Variants in NRXN3 observed in about 807,000 individuals in gnomAD.
NRXN3 encodes the protein neurexin III.
Under a neutral mutation model 137.6 loss-of-function variants are expected in NRXN3, and 32 were observed. The observed-to-expected ratio is 0.23, with a 90% confidence interval of 0.18 to 0.31. NRXN3 has a LOEUF of 0.31. Among genes scored for constraint, NRXN3 ranks in the 10% least tolerant of loss-of-function variants. NRXN3 has a pLI of 1.00. For missense variants in NRXN3, 1,574 were observed against 2,062.5 expected, an observed-to-expected ratio of 0.76 and a Z score of 4.59; for synonymous variants, 798 against 784.5, an observed-to-expected ratio of 1.02 and a Z score of -0.29.
chr14:79,831,026 A>G (rs1389842852), intron 20 of NRXN3, among the ~76,000 whole-genome samples: 2 of 152,086 alleles, frequency 1.3e-5, no homozygotes, highest in South Asian at 2.1e-4. Flanking sequence ...CATTTCAGGA[A>G]CGTGTTGACA....
At chr14:79,656,794 G>T (rs1292177181) in intron 16 of NRXN3, among the ~76,000 whole-genome samples, 1 of 152,132 alleles carries the variant, frequency 6.6e-6, no homozygotes, top group East Asian at 1.9e-4. Context: ...GCAGCCAGGG[G>T]AGAGGTGGAT....
intron 8 of NRXN3, 93 bp downstream of exon 8, chr14:78,715,232 T>G: frequency 6.9e-7 from 1 of 1,452,100 alleles, no homozygotes; most frequent in Non-Finnish European, 9.2e-7. Flanking sequence ...CGCACCTACC[T>G]GCACTTTCTT....
chr14:78,479,955 G>GC (rs2095444573), intron 4 of NRXN3, among the ~76,000 whole-genome samples: 1 of 152,062 alleles, frequency 6.6e-6, no homozygotes, highest in African/African-American at 2.4e-5. Flanking sequence ...GACCAGCCTG[G>GC]CCAACATGGT....
At chr14:78,612,661 T>A (rs1278690786) in intron 4 of NRXN3, among the ~76,000 whole-genome samples, 1 of 152,212 alleles carries the variant, frequency 6.6e-6, no homozygotes, top group Non-Finnish European at 1.5e-5. Context: ...TTACTTACAC[T>A]CTTCAGGGCT....
intron 15 of NRXN3, among the ~76,000 whole-genome samples, chr14:79,381,778 C>T (rs938542977): frequency 2.0e-5 from 3 of 152,076 alleles, no homozygotes; most frequent in African/African-American, 4.8e-5. Context: ...TAATGAGGCA[C>T]GATTCCATGA....
intron 15 of NRXN3, among the ~76,000 whole-genome samples, chr14:79,177,178 C>T (rs1409284096): frequency 1.3e-5 from 2 of 152,168 alleles, no homozygotes; most frequent in Non-Finnish European, 2.9e-5. Flanking sequence ...TGCTACATAA[C>T]TACAGCACAA....
chr14:78,297,096 T>G (rs1482628058), intron 3 of NRXN3, among the ~76,000 whole-genome samples: 1 of 152,186 alleles, frequency 6.6e-6, no homozygotes, highest in Non-Finnish European at 1.5e-5. Flanking sequence ...TTTACATACC[T>G]TTTATAACCA....
At chr14:78,872,928 C>G (rs1359511760) in intron 10 of NRXN3, among the ~76,000 whole-genome samples, 1 of 152,172 alleles carries the variant, frequency 6.6e-6, no homozygotes, top group Admixed American at 6.5e-5. Flanking sequence ...TGAGCCTCTT[C>G]AAGTCAGATT....
intron 15 of NRXN3, among the ~76,000 whole-genome samples, chr14:79,170,747 A>G (rs964436694): frequency 6.6e-6 from 1 of 152,056 alleles, no homozygotes; most frequent in Non-Finnish European, 1.5e-5. Flanking sequence ...TTAGTGTACC[A>G]AATCTCTTAA....
chr14:79,712,130 G>A (rs956092239), intron 19 of NRXN3, among the ~76,000 whole-genome samples: 7 of 152,162 alleles, frequency 4.6e-5, no homozygotes, highest in Non-Finnish European at 1.0e-4. Context: ...AAAAACAGTA[G>A]TATCTTTCTA....
At chr14:79,382,539 A>T (rs1025698556) in intron 15 of NRXN3, among the ~76,000 whole-genome samples, 4 of 152,064 alleles carry the variant, frequency 2.6e-5, no homozygotes, top group Non-Finnish European at 4.4e-5. Flanking sequence ...GTTCTCCCCA[A>T]TCTGGGGCCC....
At chr14:79,075,346 A>T (rs1471283806) in intron 15 of NRXN3, among the ~76,000 whole-genome samples, 1 of 152,174 alleles carries the variant, frequency 6.6e-6, no homozygotes, top group East Asian at 1.9e-4. Context: ...TGCACACATT[A>T]TTGCATTTTA....
At position 79,349,820 on chromosome 14, in the gene NRXN3, A is replaced by G. The variant is rs117546012; in HGVS notation, c.3263-117401A>G. On this transcript the variant is annotated intron_variant, in intron 15 of 20. Transcript: ENST00000335750. ...AATTTTGATACAGACATACATAGAA[A>G]GAAGATTATGCAAAGAGACACAGGG... Among the ~76,000 whole-genome samples, 159 of 152,276 alleles carry G rather than the reference A, an allele frequency of 1.0e-3. 4 individuals are homozygous for G. The East Asian group carries it at 0.011, about 11-fold the overall frequency.
intron 4 of NRXN3, among the ~76,000 whole-genome samples, chr14:78,640,372 A>G (rs1231250278): frequency 6.6e-6 from 1 of 152,200 alleles, no homozygotes; most frequent in Non-Finnish European, 1.5e-5. Context: ...CCCATAACTT[A>G]TAGAAGTTCA....
At chr14:79,263,718 GGAC>G (rs2077995829) in intron 15 of NRXN3, among the ~76,000 whole-genome samples, 2 of 152,052 alleles carry the variant, frequency 1.3e-5, no homozygotes, top group African/African-American at 4.8e-5. Flanking sequence ...AGAAATCTTT[GGAC>G]TTTTTTTCCA....
intron 6 of NRXN3, among the ~76,000 whole-genome samples, chr14:78,654,420 AG>A (rs2097770267): frequency 1.3e-5 from 2 of 152,236 alleles, no homozygotes; most frequent in South Asian, 4.1e-4. Context: ...GACATGGCAA[AG>A]GGCCTATGCA....
At chr14:79,333,443 T>C (rs995283146) in intron 15 of NRXN3, among the ~76,000 whole-genome samples, 3 of 152,214 alleles carry the variant, frequency 2.0e-5, no homozygotes, top group Non-Finnish European at 4.4e-5. Flanking sequence ...TTGCAATTAC[T>C]GCACTTTTTC....
intron 6 of NRXN3, among the ~76,000 whole-genome samples, chr14:78,702,451 C>CTTTTCTTTTCTTTT (rs151197180): frequency 3.7e-4 from 45 of 122,718 alleles, no homozygotes; most frequent in South Asian, 2.8e-3. Flanking sequence ...TTTTTCTTTT[C>CTTTTCTTTTCTTTT]TTATTTTTTT....
intron 15 of NRXN3, among the ~76,000 whole-genome samples, chr14:79,200,756 A>T (rs988784096): frequency 4.0e-5 from 6 of 151,204 alleles, no homozygotes; most frequent in African/African-American, 1.5e-4. Context: ...TCTGATATTC[A>T]ATGGCACTTG....
Sources: gnomAD v4.1 joint callset for allele counts (sites outside exome capture counted in the v4.1 genomes callset) on GRCh38, gnomAD v4.1.1 for gene constraint, MANE v1.5 for transcripts, NCBI Gene and HGNC (gene_info 2026-07-23, HGNC 2026-07-21) for gene names.